IREB2: variants seen among roughly 807,000 people sequenced by gnomAD.
The protein encoded by IREB2 is iron responsive element binding protein 2.
Under a neutral mutation model 118.8 loss-of-function variants are expected in IREB2, and 39 were observed. That is an observed-to-expected ratio of 0.33 (90% CI 0.25 to 0.43). The LOEUF (loss-of-function observed/expected upper bound fraction) is 0.43, where lower values mean the gene tolerates loss of function less well. Among genes scored for constraint, IREB2 ranks in the 20% least tolerant of loss-of-function variants. The probability of loss-of-function intolerance (pLI) is 1.00; values close to 1 mark genes in which losing one functional copy is unlikely to be tolerated. For synonymous variants in IREB2, 372 were observed against 392.2 expected (o/e 0.95, Z 0.61); for missense variants, 900 against 1,147.3 (o/e 0.78, Z 3.11).
At chr15:78,446,452 A>G (rs751697911) in intron 2 of IREB2, among the ~76,000 whole-genome samples, 3 of 152,200 alleles carry the variant, frequency 2.0e-5, no homozygotes, top group Admixed American at 1.3e-4. Flanking sequence ...CCCCAGGCCA[A>G]TGAAATGTGG....
chr15:78,463,283 T>G (rs531779696), intron 3 of IREB2, among the ~76,000 whole-genome samples, 196 bp downstream of exon 3: 1 of 151,938 alleles, frequency 6.6e-6, no homozygotes. Flanking sequence ...TACAAAAAAA[T>G]TTTTTTAATT....
At position 78,499,574 on chromosome 15, in the gene IREB2, A is replaced by G. The variant is rs962379723; in HGVS notation, c.*1431A>G. ...TAAGAACTTTGCACATAATCATACA[A>G]TCTTTTGAAAATATTTTGCAAATAT... is the stretch of plus-strand genomic sequence containing the variant. On this transcript the variant is annotated 3_prime_UTR_variant, in exon 22 of 22. Coordinates refer to ENST00000258886, the MANE Select transcript of IREB2 (RefSeq NM_004136.4). 11 of 152,226 alleles carry G rather than the reference A, an allele frequency of 7.2e-5. No individual in the cohort carries two copies. The highest frequency in any genetic ancestry group is 1.2e-4 in the Non-Finnish European group (8 of 68,042). The allele number at this position is 152,226 out of a possible 1,614,324, so 9.4% of individuals were successfully genotyped here. A position where few individuals can be genotyped will look rare whatever the true frequency, so the allele number is the denominator to read the frequency against.
chr15:78,481,437 G>T (rs2051569210), intron 10 of IREB2, among the ~76,000 whole-genome samples: 1 of 151,292 alleles, frequency 6.6e-6, no homozygotes, highest in Non-Finnish European at 1.5e-5. Flanking sequence ...CTCACTCCAA[G>T]CTCTGCCTCC....
chr15:78,499,452 A>C lies in IREB2; in HGVS notation c.*1309A>C, dbSNP rs1596020831. On this transcript the variant is annotated 3_prime_UTR_variant, in exon 22 of 22. Transcript: ENST00000258886. ...TCACATAGATATCTTTCTATGACCT[A>C]GTTAGTTACTGCAATTCAGAATTAG... is the stretch of plus-strand genomic sequence containing the variant. The C allele has an allele frequency of 6.6e-6, 1 of 152,178 alleles. No individual in the cohort carries two copies. Among genetic ancestry groups the C allele is most frequent in the Non-Finnish European group, 1.5e-5 (1 of 68,026 alleles). 9.4% of individuals were successfully genotyped at this position (152,178 alleles called of 1,614,324 possible).
At chr15:78,491,768 T>TTA (rs1409073519) in intron 18 of IREB2, among the ~76,000 whole-genome samples, 2 of 152,192 alleles carry the variant, frequency 1.3e-5, no homozygotes, top group Non-Finnish European at 2.9e-5. Context: ...ATTGCTGGGA[T>TTA]TACAGGCATG....
At chr15:78,488,405 A>C (rs950224817) in intron 15 of IREB2, 69 bp downstream of exon 15, 147 of 1,309,024 alleles carry the variant, frequency 1.1e-4, no homozygotes, top group Non-Finnish European at 1.5e-4. Flanking sequence ...ATATTTTTGA[A>C]ATGTTTCTTA....
chr15:78,440,456 G>C (rs1286046099), intron 2 of IREB2, among the ~76,000 whole-genome samples: 2 of 151,084 alleles, frequency 1.3e-5, no homozygotes, highest in Non-Finnish European at 2.9e-5. Context: ...TTGAACTCCT[G>C]GGCTAAAGCA....
At chr15:78,459,802 G>A (rs977207538) in intron 2 of IREB2, among the ~76,000 whole-genome samples, 7 of 148,746 alleles carry the variant, frequency 4.7e-5, no homozygotes, top group African/African-American at 1.7e-4. Flanking sequence ...ATCTGTAATA[G>A]TCTTCCTCTC....
chr15:78,451,652 G>A (rs556834046), intron 2 of IREB2, among the ~76,000 whole-genome samples: 5 of 152,070 alleles, frequency 3.3e-5, no homozygotes, highest in East Asian at 1.9e-4. Context: ...GAGCACTGAC[G>A]CTCAAAGGAA....
At position 78,500,704 on chromosome 15, in the gene IREB2, T is replaced by G. The variant is rs777263821; in HGVS notation, c.*2561T>G. The G allele has an allele frequency of 1.3e-5, 2 of 152,218 alleles. No individual in the cohort carries two copies. Among genetic ancestry groups the G allele is most frequent in the African/African-American group, 2.4e-5 (1 of 41,470 alleles). 9.4% of individuals were successfully genotyped at this position (152,218 alleles called of 1,614,324 possible). The stretch of plus-strand genomic sequence containing the variant: ...CATTGCCATTTTCATATTTTGGGGT[T>G]TTGCTACTCTTATACAATGGAATCA... On this transcript the variant is annotated 3_prime_UTR_variant, in exon 22 of 22. Coordinates refer to ENST00000258886, the MANE Select transcript of IREB2 (RefSeq NM_004136.4).
chr15:78,447,455 T>C (rs2050949871), intron 2 of IREB2, among the ~76,000 whole-genome samples: 1 of 151,770 alleles, frequency 6.6e-6, no homozygotes, highest in South Asian at 2.1e-4. Context: ...CTCAGCCTCC[T>C]GAGTAGCTGG....
chr15:78,443,061 A>G (rs1415469060), intron 2 of IREB2, among the ~76,000 whole-genome samples: 1 of 152,156 alleles, frequency 6.6e-6, no homozygotes, highest in Non-Finnish European at 1.5e-5. Context: ...GACACCGGAG[A>G]CTATGGGTAC....
upstream of IREB2, among the ~76,000 whole-genome samples, chr15:78,437,959 T>C (rs902073942): frequency 6.6e-6 from 1 of 152,144 alleles, no homozygotes; most frequent in African/African-American, 2.4e-5. Context: ...ATGACCCCAA[T>C]AGAAAACTTA....
chr15:78,488,791 C>T lies in IREB2; in HGVS notation c.2076+20C>T. 1.5e-6 allele frequency: 2 copies of T among 1,353,166 alleles called. No individual in the cohort carries two copies. Among genetic ancestry groups the T allele is most frequent in the Non-Finnish European group, 2.1e-6 (2 of 968,542 alleles). The allele number at this position is 1,353,166 out of a possible 1,614,324, so 83.8% of individuals were successfully genotyped here. A position where few individuals can be genotyped will look rare whatever the true frequency, so the allele number is the denominator to read the frequency against. ...ATAGAAGTAAGAGTCTTATGTGTTT[C>T]TTAAATAGTTTAATCAATTTGCAGT... is the stretch of plus-strand genomic sequence containing the variant. On this transcript the variant is annotated intron_variant, in intron 16 of 21. Coordinates refer to ENST00000258886, the MANE Select transcript of IREB2 (RefSeq NM_004136.4).
chr15:78,468,002 G>A (rs61388072), intron 5 of IREB2, among the ~76,000 whole-genome samples: 22,885 of 151,934 alleles, frequency 0.15, 1,757 homozygotes, highest in Non-Finnish European at 0.16. Flanking sequence ...TGGAACTTCA[G>A]GCATGCACCA....
intron 2 of IREB2, among the ~76,000 whole-genome samples, chr15:78,441,745 G>A (rs555580530): frequency 5.3e-5 from 8 of 152,156 alleles, no homozygotes; most frequent in Admixed American, 2.0e-4. Context: ...GTACATAACT[G>A]TACAGAGTAC....
chr15:78,479,616 A>G (rs2051532070), intron 10 of IREB2, among the ~76,000 whole-genome samples: 1 of 152,160 alleles, frequency 6.6e-6, no homozygotes, highest in Admixed American at 6.6e-5. Flanking sequence ...ACTTTATGAT[A>G]AGAGTAATAT....
intron 2 of IREB2, among the ~76,000 whole-genome samples, chr15:78,451,862 C>G (rs1350301570): frequency 2.0e-5 from 3 of 152,010 alleles, no homozygotes; most frequent in African/African-American, 7.2e-5. Flanking sequence ...AGGGTTTCAC[C>G]ATGTTGGTCA....
At chr15:78,476,624 C>G (rs1319079069) in intron 9 of IREB2, 13 of 247,256 alleles carry the variant, frequency 5.3e-5, no homozygotes, top group Non-Finnish European at 1.0e-4. Flanking sequence ...TGATGGATAC[C>G]TCCACCTCTA....
Sources: allele counts gnomAD v4.1 joint callset (sites outside exome capture counted in the v4.1 genomes callset), GRCh38; gene constraint gnomAD v4.1.1; transcripts MANE v1.5; gene names NCBI Gene and HGNC (gene_info 2026-07-23, HGNC 2026-07-21).